ALDH1L2: variants seen among roughly 807,000 people sequenced by gnomAD.
The protein encoded by ALDH1L2 is mitochondrial 10-formyltetrahydrofolate dehydrogenase.
A neutral mutation model predicts 111.0 loss-of-function variants in ALDH1L2; 91 were observed. The ratio of observed to expected loss-of-function variants is 0.82; its 90% CI spans 0.69 to 0.98. The LOEUF (loss-of-function observed/expected upper bound fraction) is 0.98, where lower values mean the gene tolerates loss of function less well. Ranked by LOEUF, ALDH1L2 falls within the 50% of genes least tolerant of loss-of-function variation. ALDH1L2 has a pLI of 0.00. For missense variants in ALDH1L2, 995 were observed against 1,126.8 expected, an observed-to-expected ratio of 0.88 and a Z score of 1.67; for synonymous variants, 374 against 392.6, an observed-to-expected ratio of 0.95 and a Z score of 0.56.
At chr12:105,044,202 A>G (rs1286084766) in intron 15 of ALDH1L2, among the ~76,000 whole-genome samples, 1 of 152,192 alleles carries the variant, frequency 6.6e-6, no homozygotes, top group Non-Finnish European at 1.5e-5. Flanking sequence ...CTTCATCACT[A>G]CTACCTATCT....
At chr12:105,037,787 C>T (rs1171475305) in intron 18 of ALDH1L2, among the ~76,000 whole-genome samples, 7 of 141,694 alleles carry the variant, frequency 4.9e-5, no homozygotes, top group African/African-American at 1.0e-4. Flanking sequence ...TTTTTTGAGA[C>T]GGAGTCTCAC....
chr12:105,070,948 T>C (rs1463366349), intron 2 of ALDH1L2, 144 bp from the exon 3 acceptor site: 3 of 731,698 alleles, frequency 4.1e-6, no homozygotes, highest in Non-Finnish European at 6.6e-6. Flanking sequence ...GACTAGAATT[T>C]CACCTGTTGT....
chr12:105,077,263 G>T (rs1467007678), intron 1 of ALDH1L2, among the ~76,000 whole-genome samples: 3 of 150,754 alleles, frequency 2.0e-5, no homozygotes, highest in African/African-American at 4.9e-5. Flanking sequence ...ATCTAATCTT[G>T]TTTCTTTTTT....
chr12:105,071,626 A>ATT (rs1269392670), intron 2 of ALDH1L2, among the ~76,000 whole-genome samples: 2 of 14,952 alleles, frequency 1.3e-4, no homozygotes, highest in African/African-American at 7.3e-4. Flanking sequence ...ATATATATAT[A>ATT]TATATATATA....
chr12:105,061,558 A>C, intron 8 of ALDH1L2, 69 bp downstream of exon 8: 1 of 1,593,206 alleles, frequency 6.3e-7, no homozygotes, highest in Non-Finnish European at 8.6e-7. Flanking sequence ...TTGAGGACTG[A>C]TGGTACCAGT....
At position 105,036,237 on chromosome 12, in the gene ALDH1L2, GTATATTTATATATGTGTATATAATATAT is replaced by G. The variant is rs1875054479; in HGVS notation, c.2145+1838_2146-1840del. On this transcript the variant is annotated intron_variant, in intron 18 of 22. Coordinates refer to ENST00000258494, the MANE Select transcript of ALDH1L2 (RefSeq NM_001034173.4). ...ATATATGTGTATATAATATATACAC[GTATATTTATATATGTGTATATAATATAT>G]ACACGTATATTTATATATGTGTATA... 5.7e-5 allele frequency among the ~76,000 whole-genome samples: 2 copies of G among 35,018 alleles called. 1 individual carries two copies. The highest frequency in any genetic ancestry group is 5.2e-4 in the African/African-American group (2 of 3,814). 23.0% of individuals were successfully genotyped at this position (35,018 alleles called of 152,430 possible). A position where few individuals can be genotyped will look rare whatever the true frequency, so the allele number is the denominator to read the frequency against.
Position 105,026,602 on chromosome 12 carries a change from T to C in ALDH1L2, c.2659A>G (p.Thr887Ala). Residue 887 changes from threonine to alanine, a missense_variant, in exon 22 of 23, where the codon ACA becomes GCA. Transcript: ENST00000258494. ...CCGCCAAATGGGGCCGCCACATCTG[T>C]CTTGTTGTATGTGTTAATAAAAACA... ...GTVFINTYNK[T>A]DVAAPFGGVK... 1 of 1,614,148 alleles carries C rather than the reference T, an allele frequency of 6.2e-7. No individual in the cohort carries two copies. Among genetic ancestry groups the C allele is most frequent in the Non-Finnish European group, 8.5e-7 (1 of 1,180,000 alleles).
rs539135971 is a variant in ALDH1L2 at position 105,057,433 on chromosome 12, CAT to C, written c.1287+638_1287+639del. On this transcript the variant is annotated intron_variant, in intron 10 of 22. Transcript: ENST00000258494. ...GGTACATACCCAAGAGACTTGAAAA[CAT>C]ATGTTCATGCAAAAACTTATATATG... 2.4e-4 allele frequency among the ~76,000 whole-genome samples: 37 copies of C among 152,248 alleles called. No homozygotes were observed. In the South Asian group the frequency reaches 7.2e-3, roughly 30 times the overall value.
intron 5 of ALDH1L2, 65 bp from the exon 6 acceptor site, chr12:105,065,421 C>T: frequency 4.4e-6 from 6 of 1,361,198 alleles, no homozygotes. Flanking sequence ...AATAAAAACG[C>T]TTCTCGTCAT....
At chr12:105,078,585 A>C (rs1484783067) in intron 1 of ALDH1L2, among the ~76,000 whole-genome samples, 1 of 152,202 alleles carries the variant, frequency 6.6e-6, no homozygotes, top group Non-Finnish European at 1.5e-5. Context: ...CCCTCTATGC[A>C]GCTCAAATCT....
In ALDH1L2 at chr12:105,034,362, A is replaced by G; in HGVS notation, c.2182T>C (p.Cys728Arg). 1.9e-6 allele frequency: 3 copies of G among 1,612,088 alleles called. No individual in the cohort carries two copies. Among genetic ancestry groups the G allele is most frequent in the Non-Finnish European group, 2.5e-6 (3 of 1,179,558 alleles). ...GAVFFNKGEN[C>R]IAAGRLFVEE... ...ACGAACAACCGCCCAGCAGCAATACAGTTCTCTCCTTTGTTGAAAAATACT... is the reference window on the plus strand; with the variant it reads ...ACGAACAACCGCCCAGCAGCAATACGGTTCTCTCCTTTGTTGAAAAATACT... The change falls in exon 19 of 23, where the codon TGT (cysteine) becomes CGT (arginine). Residue 728 changes from cysteine (C) to arginine (R), a missense_variant. Cys to Arg is a radical substitution (Grantham distance 180). Transcript: ENST00000258494.
At chr12:105,038,286 ACACAC>A in intron 17 of ALDH1L2, 84 bp from the exon 18 acceptor site, 5 of 138,788 alleles carry the variant, frequency 3.6e-5, no homozygotes, top group Admixed American at 9.7e-5. Flanking sequence ...ACAAACACAC[ACACAC>A]ACACACACAC....
intron 22 of ALDH1L2, among the ~76,000 whole-genome samples, chr12:105,024,820 CT>C (rs1233390014): frequency 2.0e-5 from 3 of 152,216 alleles, no homozygotes; most frequent in African/African-American, 7.2e-5. Flanking sequence ...GCCTGGTCAG[CT>C]TCAAACCAAA....
rs555150059 is a variant in ALDH1L2 at position 105,047,887 on chromosome 12, A to G, written c.1687-918T>C. The stretch of plus-strand genomic sequence containing the variant: ...GGATTTGGGTAAGCCTCCCATAATC[A>G]AACATGCTAGTATTTATTCACTGAA... On this transcript the variant is annotated intron_variant, in intron 13 of 22. Transcript: ENST00000258494. The G allele has an allele frequency of 7.2e-5, 11 of 152,380 alleles. 1 individual carries two copies. In the East Asian group the frequency reaches 2.1e-3, roughly 29 times the overall value. 9.4% of individuals were successfully genotyped at this position (152,380 alleles called of 1,614,324 possible).
intron 18 of ALDH1L2, among the ~76,000 whole-genome samples, chr12:105,034,759 G>T (rs981506313): frequency 2.0e-5 from 3 of 152,160 alleles, no homozygotes; most frequent in African/African-American, 7.2e-5. Flanking sequence ...GCTGAGGCGG[G>T]CAGATCACAA....
intron 7 of ALDH1L2, among the ~76,000 whole-genome samples, chr12:105,062,065 T>C (rs1186522281): frequency 1.3e-5 from 2 of 152,230 alleles, no homozygotes; most frequent in Non-Finnish European, 2.9e-5. Context: ...CCAGTGCTGC[T>C]GCAACTCTGC....
chr12:105,069,290 A>G (rs1274800062), intron 3 of ALDH1L2, among the ~76,000 whole-genome samples: 3 of 152,198 alleles, frequency 2.0e-5, no homozygotes, highest in Non-Finnish European at 4.4e-5. Flanking sequence ...ATAAAATAGG[A>G]TACTCTGTGA....
At chr12:105,048,199 A>G (rs976617878) in intron 13 of ALDH1L2, 8 of 152,200 alleles carry the variant, frequency 5.3e-5, no homozygotes, top group Non-Finnish European at 1.0e-4. Context: ...CTCGTTTCCA[A>G]TCCTCAAAAC....
intron 6 of ALDH1L2, 86 bp downstream of exon 6, chr12:105,065,181 C>A: frequency 1.1e-6 from 1 of 909,324 alleles, no homozygotes; most frequent in Non-Finnish European, 1.7e-6. Flanking sequence ...AAGGAAGAAC[C>A]ATGGGAAGCC....
Sources: gnomAD v4.1 joint callset for allele counts (sites outside exome capture counted in the v4.1 genomes callset) on GRCh38, gnomAD v4.1.1 for gene constraint, MANE v1.5 for transcripts, NCBI Gene and HGNC (gene_info 2026-07-23, HGNC 2026-07-21) for gene names.